Variants in CNTNAP3 observed in about 807,000 individuals in gnomAD.
CNTNAP3 encodes the protein contactin associated protein family member 3, also known as contactin-associated protein-like 3.
A neutral mutation model predicts 92.1 loss-of-function variants in CNTNAP3; 36 were observed. The ratio of observed to expected loss-of-function variants is 0.39; its 90% CI spans 0.30 to 0.52. The LOEUF is 0.52. CNTNAP3 is among the 20% of genes least tolerant of loss of function. The pLI is 0.76. For synonymous variants in CNTNAP3, 232 were observed against 422.3 expected, an observed-to-expected ratio of 0.55 and a Z score of 5.53; for missense variants, 534 against 1,069.6, an observed-to-expected ratio of 0.50 and a Z score of 6.98.
intron 14 of CNTNAP3, among the ~76,000 whole-genome samples, chr9:39,111,865 T>C (rs935073087): frequency 6.6e-6 from 1 of 152,114 alleles, no homozygotes. Context: ...TTTTTTCAGT[T>C]GTTTTGGAAA....
intron 15 of CNTNAP3, 63 bp from the exon 16 acceptor site, chr9:39,103,977 T>C: frequency 6.7e-7 from 1 of 1,501,952 alleles, no homozygotes; most frequent in South Asian, 1.4e-5. Flanking sequence ...AACAGCTACA[T>C]TTGATACTTA....
chr9:39,096,645 C>T (rs1758516), intron 18 of CNTNAP3, among the ~76,000 whole-genome samples: 57,199 of 147,270 alleles, frequency 0.39, 12,363 homozygotes, highest in African/African-American at 0.54. Flanking sequence ...ACATGAAAGA[C>T]GGTTTTGCTG....
intron 14 of CNTNAP3, among the ~76,000 whole-genome samples, chr9:39,114,001 C>CATAT (rs1336806919): frequency 7.0e-6 from 1 of 142,702 alleles, no homozygotes; most frequent in African/African-American, 2.9e-5. Context: ...TACACACACA[C>CATAT]ATATATATAC....
At chr9:39,129,521 A>T (rs1299476320) in intron 13 of CNTNAP3, among the ~76,000 whole-genome samples, 2 of 152,222 alleles carry the variant, frequency 1.3e-5, no homozygotes, top group Non-Finnish European at 2.9e-5. Context: ...AAAACTAGAA[A>T]ACTTTTAGGA....
rs755338006 is a variant in CNTNAP3 at position 39,132,916 on chromosome 9, C to T, written c.2080+16G>A. The T allele has an allele frequency of 6.5e-7, 1 of 1,539,442 alleles. No individual in the cohort carries two copies. The highest frequency in any genetic ancestry group is 2.0e-5 in the Admixed American group (1 of 50,988). ...CGGCCCCGTGAACCCCTGTAGCCTC[C>T]AGGAGTGGCGCTTACCTCGTGAGTC... On this transcript the variant is annotated intron_variant, in intron 13 of 23. Transcript: ENST00000297668.
At position 39,069,028 on chromosome 9, in the gene CNTNAP3, A is replaced by T. The variant is rs1247269056; in HGVS notation, c.*4862T>A. Among the ~76,000 whole-genome samples, 1 of 151,738 alleles carries T rather than the reference A, an allele frequency of 6.6e-6. No homozygotes were observed. Among genetic ancestry groups the T allele is most frequent in the African/African-American group, 2.4e-5 (1 of 41,028 alleles). On this transcript the variant is annotated 3_prime_UTR_variant, in exon 24 of 24. Coordinates refer to ENST00000297668, the MANE Select transcript of CNTNAP3 (RefSeq NM_033655.5). The stretch of plus-strand genomic sequence containing the variant: ...AGTATAAACACACATACACATATAT[A>T]TATGTATGTATATAACACACATGAA...
intron 12 of CNTNAP3, among the ~76,000 whole-genome samples, chr9:39,134,385 C>T (rs2118058903): frequency 6.8e-6 from 1 of 148,000 alleles, no homozygotes; most frequent in South Asian, 2.1e-4. Context: ...TGGGTTCTTC[C>T]TTTAATATTG....
intron 15 of CNTNAP3, among the ~76,000 whole-genome samples, chr9:39,104,159 C>G (rs1826539443): frequency 6.6e-6 from 1 of 151,950 alleles, no homozygotes; most frequent in East Asian, 1.9e-4. Flanking sequence ...GCAATGAGAC[C>G]AGTCAGGGGA....
intron 12 of CNTNAP3, among the ~76,000 whole-genome samples, chr9:39,134,780 C>A (rs1237468581): frequency 6.6e-6 from 1 of 152,196 alleles, no homozygotes; most frequent in African/African-American, 2.4e-5. Context: ...CACCTACTCT[C>A]ACCTTCAGAG....
chr9:39,144,386 A>G (rs1377051623), intron 10 of CNTNAP3, 40 bp from the exon 11 acceptor site: 1 of 1,502,462 alleles, frequency 6.7e-7, no homozygotes, highest in Middle Eastern at 2.5e-4. Flanking sequence ...CCCTTTTTCA[A>G]TCATCAAAAA....
chr9:39,141,441 A>G (rs755393607), intron 11 of CNTNAP3, among the ~76,000 whole-genome samples: 17 of 152,188 alleles, frequency 1.1e-4, no homozygotes. Flanking sequence ...AGCTGATTTA[A>G]AAAAGAAACT....
At chr9:39,141,361 T>C (rs1339769488) in intron 11 of CNTNAP3, among the ~76,000 whole-genome samples, 2 of 152,166 alleles carry the variant, frequency 1.3e-5, no homozygotes, top group Non-Finnish European at 2.9e-5. Flanking sequence ...TAAAACAATA[T>C]GAATGAGCAT....
intron 8 of CNTNAP3, among the ~76,000 whole-genome samples, chr9:39,168,010 T>TG (rs1822198358): frequency 2.1e-5 from 3 of 145,974 alleles, no homozygotes; most frequent in African/African-American, 7.7e-5. Context: ...CCTTGAGTTT[T>TG]TTTTTGTTTT....
In CNTNAP3 at chr9:39,099,991, C is replaced by G; in HGVS notation, c.2915G>C (p.Gly972Ala). Residue 972 changes from glycine to alanine, a missense_variant, in exon 18 of 24, where the codon GGA (glycine) becomes GCA (alanine). By Grantham distance (60) the Gly-to-Ala change is moderately conservative (BLOSUM62 0). Coordinates refer to ENST00000297668, the MANE Select transcript of CNTNAP3 (RefSeq NM_033655.5). ...CSTYGHLCRN[G>A]GRCREKRRGV... The stretch of plus-strand genomic sequence containing the variant: ...CCTGCGTTTCTCTCTGCATCTCCCT[C>G]CATTGCGACACAAGTGTCCATAGGT... The G allele has an allele frequency of 7.5e-6, 12 of 1,594,694 alleles. No individual in the cohort carries two copies. The highest frequency in any genetic ancestry group is 1.0e-5 in the Non-Finnish European group (12 of 1,170,462).
At chr9:39,139,121 G>A (rs1563890040) in intron 12 of CNTNAP3, among the ~76,000 whole-genome samples, 1 of 151,004 alleles carries the variant, frequency 6.6e-6, no homozygotes, top group Admixed American at 6.6e-5. Context: ...CATCTAAAGA[G>A]AAGGTGACAT....
At chr9:39,097,434 C>T (rs1359428780) in intron 18 of CNTNAP3, among the ~76,000 whole-genome samples, 6 of 152,118 alleles carry the variant, frequency 3.9e-5, no homozygotes, top group Admixed American at 2.6e-4. Context: ...TCTTGCCTTG[C>T]CTCTCCTGGT....
intron 9 of CNTNAP3, 133 bp from the exon 10 acceptor site, chr9:39,150,110 TAG>T (rs1821807714): frequency 3.1e-6 from 2 of 640,456 alleles, no homozygotes; most frequent in Admixed American, 3.1e-5. Flanking sequence ...CACCATTCAT[TAG>T]AGAGGTGAGA....
At chr9:39,140,329 T>G (rs531702266) in intron 12 of CNTNAP3, among the ~76,000 whole-genome samples, 190 bp downstream of exon 12, 1 of 152,166 alleles carries the variant, frequency 6.6e-6, no homozygotes, top group South Asian at 2.1e-4. Context: ...ACTGAATCTT[T>G]CCTATAATCC....
chr9:39,118,186 A>C lies in CNTNAP3; in HGVS notation c.2154T>G (p.Asp718Glu). 2 of 1,611,830 alleles carry C rather than the reference A, an allele frequency of 1.2e-6. No homozygotes were observed. Among genetic ancestry groups the C allele is most frequent in the Non-Finnish European group, 1.7e-6 (2 of 1,179,608 alleles). ...CTAATCCACAAGTACACTTTTGAGC[A>C]TCAGGCAGAGAACCTCCCCAGGAAG... Reference protein sequence around the residue: ...THTSWGGSLPDAQKCTCGLEG... With the variant: ...THTSWGGSLPEAQKCTCGLEG... Residue 718 changes from aspartate to glutamate, a missense_variant, in exon 14 of 24, where the codon GAT (aspartate) becomes GAG (glutamate). Transcript: ENST00000297668.
Sources: allele counts gnomAD v4.1 joint callset (sites outside exome capture counted in the v4.1 genomes callset), GRCh38; gene constraint gnomAD v4.1.1; transcripts MANE v1.5; gene names NCBI Gene and HGNC (gene_info 2026-07-23, HGNC 2026-07-21).